The following IGLON5 variants were observed in gnomAD, a reference collection of about 807,000 sequenced individuals.
IGLON5 encodes the protein Ig-like domain-containing protein ENSP00000270642.
Under a neutral mutation model 38.2 loss-of-function variants are expected in IGLON5, and 16 were observed. The observed-to-expected ratio is 0.42, with a 90% CI of 0.28 to 0.64. The LOEUF (loss-of-function observed/expected upper bound fraction) is 0.64, where lower values mean the gene tolerates loss of function less well. Ranked by LOEUF, IGLON5 falls within the 30% of genes least tolerant of loss-of-function variation. The pLI is 0.23. For missense variants in IGLON5, 366 were observed against 483.4 expected, an observed-to-expected ratio of 0.76 and a Z score of 2.28; for synonymous variants, 207 against 216.4, an observed-to-expected ratio of 0.96 and a Z score of 0.38.
intron 1 of IGLON5, among the ~76,000 whole-genome samples, chr19:51,313,175 T>A (rs1433053954): frequency 1.3e-5 from 2 of 152,220 alleles, no homozygotes; most frequent in Admixed American, 1.3e-4. Context: ...CGCAGGGACC[T>A]GGTGGGCCAC....
At chr19:51,322,168 C>A in intron 2 of IGLON5, 26 bp downstream of exon 2, 1 of 1,569,306 alleles carries the variant, frequency 6.4e-7, no homozygotes, top group Non-Finnish European at 8.8e-7. Context: ...GGTGGGGACT[C>A]AGATCTCATG....
Position 51,327,893 on chromosome 19 carries a change from C to CT in IGLON5, c.922+9dup. ...GCCTCCATGCGGCTCCTGCGTGCGT[C>CT]TTCGGGCGGGGCGGGGCCGGGAAGG... On this transcript the variant is annotated splice_region_variant and intron_variant, in intron 7 of 7. Transcript: ENST00000270642. This position sits in a 1 kb window ranked among gnomAD's most constrained non-coding sequence, Gnocchi z 7.1. 1.4e-6 allele frequency: 2 copies of CT among 1,449,520 alleles called. No individual in the cohort carries two copies. The allele number at this position is 1,449,520 out of a possible 1,614,324, so 89.8% of individuals were successfully genotyped here.
rs1985326470 is a variant in IGLON5, at chr19:51,330,323, GACC to G, written c.*1570_*1572del. The G allele has an allele frequency of 6.6e-6, 1 of 152,380 alleles. No homozygotes were observed. Among genetic ancestry groups the G allele is most frequent in the South Asian group, 2.1e-4 (1 of 4,840 alleles). 9.4% of individuals were successfully genotyped at this position (152,380 alleles called of 1,614,324 possible). Reference sequence around the variant, plus strand: ...TGTTCCAATTCATGGGGAGTGTTGAGACCACCACACCAATAAACGCCTTTTTCC... The same window carrying G: ...TGTTCCAATTCATGGGGAGTGTTGAGACCACACCAATAAACGCCTTTTTCC... On this transcript the variant is annotated 3_prime_UTR_variant, in exon 8 of 8. Transcript: ENST00000270642.
Position 51,323,885 on chromosome 19 carries a change from A to G in IGLON5, c.382A>G (p.Ile128Val). ...HQPYTTQVYLIVHVPARIVNI... is the reference protein window; with the variant it reads ...HQPYTTQVYLVVHVPARIVNI... ...GCCGTACACCACTCAGGTCTACCTC[A>G]TTGTCCACGGTGAGCCCTTGGCCGG... The change falls in exon 3 of 8, where the codon ATT becomes GTT. Residue 128 changes from isoleucine (I) to valine (V), a missense_variant. Ile to Val is a conservative substitution (Grantham distance 29). Transcript: ENST00000270642. The G allele has an allele frequency of 6.2e-7, 1 of 1,603,540 alleles. No individual in the cohort carries two copies. Among genetic ancestry groups the G allele is most frequent in the Non-Finnish European group, 8.5e-7 (1 of 1,171,990 alleles).
At chr19:51,322,794 GCC>G (rs1985102414) in intron 2 of IGLON5, among the ~76,000 whole-genome samples, 1 of 143,904 alleles carries the variant, frequency 6.9e-6, no homozygotes, top group African/African-American at 2.6e-5. Context: ...CTGGGTCTCT[GCC>G]CCCCTCTCTC....
At position 51,323,811 on chromosome 19, in the gene IGLON5, G is replaced by C; in HGVS notation, c.308G>C (p.Gly103Ala). The change falls in exon 3 of 8, where the codon GGG becomes GCG. Residue 103 changes from glycine (G) to alanine (A), a missense_variant. Gly to Ala is a moderately conservative substitution (Grantham distance 60). Coordinates refer to ENST00000270642, the MANE Select transcript of IGLON5 (RefSeq NM_001101372.3). ...EEFSILITEVGLGDEGLYTCS... is the reference protein window; with the variant it reads ...EEFSILITEVALGDEGLYTCS... ...TTCTCCATCCTCATCACCGAGGTGG[G>C]GCTCGGCGACGAGGGCCTCTACACC... 1 of 1,613,460 alleles carries C rather than the reference G, an allele frequency of 6.2e-7. No individual in the cohort carries two copies. Among genetic ancestry groups the C allele is most frequent in the Non-Finnish European group, 8.5e-7 (1 of 1,179,654 alleles).
rs751100291 is a variant in IGLON5 at position 51,327,663 on chromosome 19, G to A, written c.768-69G>A. 3 of 1,531,514 alleles carry A rather than the reference G, an allele frequency of 2.0e-6. No individual in the cohort carries two copies. Among genetic ancestry groups the A allele is most frequent in the Non-Finnish European group, 2.6e-6 (3 of 1,144,698 alleles). The allele number at this position is 1,531,514 out of a possible 1,614,324, so 94.9% of individuals were successfully genotyped here. ...AATGCTGGGTCACCGGGGAACGGAG[G>A]AGCCTGAGAGTCGGGGGGCTGGCCT... On this transcript the variant is annotated intron_variant, in intron 6 of 7. Coordinates refer to ENST00000270642, the MANE Select transcript of IGLON5 (RefSeq NM_001101372.3). The surrounding 1 kb of genome is among the most constrained non-coding windows in gnomAD (Gnocchi z 7.1).
In IGLON5 at chr19:51,329,929, G is replaced by A. The variant is rs1290804641; in HGVS notation, c.*1170G>A. 1.3e-5 allele frequency: 2 copies of A among 152,332 alleles called. No homozygotes were observed. Among genetic ancestry groups the A allele is most frequent in the Admixed American group, 6.5e-5 (1 of 15,296 alleles). The allele number at this position is 152,332 out of a possible 1,614,324, so 9.4% of individuals were successfully genotyped here. A position where few individuals can be genotyped will look rare whatever the true frequency, so the allele number is the denominator to read the frequency against. ...TGGTGACTAGCTGTATTTCCCCCTGGGTAGGCATCTGGTGTCAGGAAGGGA... is the reference window on the plus strand; with the variant it reads ...TGGTGACTAGCTGTATTTCCCCCTGAGTAGGCATCTGGTGTCAGGAAGGGA... On this transcript the variant is annotated 3_prime_UTR_variant, in exon 8 of 8. Transcript: ENST00000270642. This position sits in a 1 kb window ranked among gnomAD's most constrained non-coding sequence, Gnocchi z 4.3.
intron 1 of IGLON5, among the ~76,000 whole-genome samples, chr19:51,315,301 G>A (rs986386066): frequency 6.6e-6 from 1 of 152,216 alleles, no homozygotes; most frequent in South Asian, 2.1e-4. Context: ...CCAGATTTGA[G>A]TCCCAGCACT....
intron 1 of IGLON5, among the ~76,000 whole-genome samples, chr19:51,316,431 G>C (rs926361855): frequency 6.6e-6 from 1 of 151,086 alleles, no homozygotes; most frequent in Non-Finnish European, 1.5e-5. Context: ...GACTCCCCTG[G>C]TGTCGGTGAC....
chr19:51,313,663 C>CTTTT (rs1984834425), intron 1 of IGLON5, among the ~76,000 whole-genome samples: 1 of 72,146 alleles, frequency 1.4e-5, no homozygotes, highest in Admixed American at 1.3e-4. Context: ...TTCTTTCTTT[C>CTTTT]TTTCTTTCTT....
Position 51,323,753 on chromosome 19 carries a change from C to CG in IGLON5, c.253dup (p.Val85GlyfsTer62), listed in dbSNP as rs746230795. On this transcript the variant is annotated frameshift_variant, in exon 3 of 8. Transcript: ENST00000270642. LOFTEE classifies it high-confidence loss of function. Reference sequence around the variant, plus strand: ...CAATGACCGCTGGACCAGCGACCCGCGGGTGCGGCTGCTCATCAACACCCC... The same window carrying CG: ...CAATGACCGCTGGACCAGCGACCCGCGGGGTGCGGCTGCTCATCAACACCCC... The CG allele has an allele frequency of 1.2e-6, 2 of 1,613,962 alleles. No individual in the cohort carries two copies. The highest frequency in any genetic ancestry group is 2.2e-5 in the South Asian group (2 of 91,088).
At chr19:51,320,384 A>C (rs1282554918) in intron 1 of IGLON5, among the ~76,000 whole-genome samples, 3 of 152,192 alleles carry the variant, frequency 2.0e-5, no homozygotes, top group South Asian at 2.1e-4. Flanking sequence ...GGCTGGGGGC[A>C]GGGCAGCCCC....
intron 1 of IGLON5, among the ~76,000 whole-genome samples, chr19:51,320,615 T>C (rs1340491652): frequency 6.6e-6 from 1 of 152,196 alleles, no homozygotes; most frequent in Non-Finnish European, 1.5e-5. Context: ...CCTGCAAGCA[T>C]GCCCTGGCAA....
At chr19:51,322,025 C>G (rs867216300) in intron 1 of IGLON5, 39 bp from the exon 2 acceptor site, 4 of 1,559,118 alleles carry the variant, frequency 2.6e-6, no homozygotes, top group Non-Finnish European at 3.5e-6. Flanking sequence ...CCGGGCCTTG[C>G]CTGAGCTGCC....
intron 1 of IGLON5, among the ~76,000 whole-genome samples, chr19:51,316,481 T>A (rs1370960085): frequency 6.7e-6 from 1 of 149,910 alleles, no homozygotes; most frequent in Admixed American, 6.7e-5. Context: ...TTCTTTGTTT[T>A]TCTTTTCTTT....
chr19:51,325,332 G>A lies in IGLON5; in HGVS notation c.392-14G>A, dbSNP rs1399354318. The A allele has an allele frequency of 6.2e-7, 1 of 1,612,178 alleles. No homozygotes were observed. The highest frequency in any genetic ancestry group is 8.5e-7 in the Non-Finnish European group (1 of 1,179,192). ...TCCTGGGCATCCATATTCAGCCTCTGCCGCTGCCCGCAGTCCCTGCCCGCA... is the reference window on the plus strand; with the variant it reads ...TCCTGGGCATCCATATTCAGCCTCTACCGCTGCCCGCAGTCCCTGCCCGCA... On this transcript the variant is annotated splice_polypyrimidine_tract_variant and intron_variant, in intron 3 of 7. Coordinates refer to ENST00000270642, the MANE Select transcript of IGLON5 (RefSeq NM_001101372.3). The surrounding 1 kb of genome is among the most constrained non-coding windows in gnomAD (Gnocchi z 5.5).
intron 1 of IGLON5, among the ~76,000 whole-genome samples, chr19:51,317,189 C>T (rs1253052699): frequency 6.6e-6 from 1 of 152,120 alleles, no homozygotes; most frequent in Non-Finnish European, 1.5e-5. Context: ...GAGGCCTGTG[C>T]GTCTGGACTG....
intron 7 of IGLON5, among the ~76,000 whole-genome samples, chr19:51,328,464 A>T (rs1469244484): frequency 6.7e-6 from 1 of 148,420 alleles, no homozygotes; most frequent in Non-Finnish European, 1.5e-5. Flanking sequence ...GTGAGCCGAG[A>T]TTGCGCCTGG....
Sources: gnomAD v4.1 joint callset for allele counts (sites outside exome capture counted in the v4.1 genomes callset) on GRCh38, gnomAD v4.1.1 for gene constraint, Gnocchi (gnomAD v3.1) non-coding constraint, MANE v1.5 for transcripts, NCBI Gene and HGNC (gene_info 2026-07-23, HGNC 2026-07-21) for gene names.